Variants in RB1 observed in about 807,000 individuals in gnomAD.
RB1 encodes the protein RB transcriptional corepressor 1, also known as retinoblastoma-associated protein.
In RB1, 18 loss-of-function variants were observed where a neutral mutation model predicts 135.4. That is an observed-to-expected ratio of 0.13 (90% CI 0.09 to 0.20). RB1 has a LOEUF of 0.20. Among genes scored for constraint, RB1 ranks in the 10% least tolerant of loss-of-function variants. The probability of loss-of-function intolerance (pLI) is 1.00; values close to 1 mark genes in which losing one functional copy is unlikely to be tolerated. For synonymous variants in RB1, 365 were observed against 373.2 expected, an observed-to-expected ratio of 0.98 and a Z score of 0.25; for missense variants, 868 against 1,110.0, an observed-to-expected ratio of 0.78 and a Z score of 3.10.
At chr13:48,320,526 A>C in intron 2 of RB1, 1 of 552,748 alleles carries the variant, frequency 1.8e-6, no homozygotes, top group Non-Finnish European at 3.2e-6. Context: ...TTTCTCTGCC[A>C]GCTTCATATA....
intron 17 of RB1, among the ~76,000 whole-genome samples, chr13:48,383,019 A>G (rs1402765917): frequency 1.3e-5 from 2 of 152,074 alleles, no homozygotes; most frequent in African/African-American, 2.4e-5. Flanking sequence ...GTGTGGTATT[A>G]TTTCTGAGGG....
At chr13:48,378,877 G>T (rs938436215) in intron 13 of RB1, among the ~76,000 whole-genome samples, 8 of 152,042 alleles carry the variant, frequency 5.3e-5, no homozygotes, top group Non-Finnish European at 7.4e-5. Flanking sequence ...GACCAAAAAC[G>T]TTGTTATGCG....
intron 7 of RB1, 199 bp downstream of exon 7, chr13:48,360,326 G>A: frequency 8.2e-7 from 1 of 1,219,178 alleles, no homozygotes; most frequent in East Asian, 2.9e-5. Context: ...GGTAGAAAGT[G>A]GTTTGGGTCA....
Position 48,316,921 on chromosome 13 carries a change from C to T in RB1, c.264+9515C>T, listed in dbSNP as rs187951549. 1.4e-4 allele frequency: 52 copies of T among 365,558 alleles called. No individual in the cohort carries two copies. The East Asian group carries it at 3.2e-3, about 23-fold the overall frequency. The allele number at this position is 365,558 out of a possible 1,614,324, so 22.6% of individuals were successfully genotyped here. A position where few individuals can be genotyped will look rare whatever the true frequency, so the allele number is the denominator to read the frequency against. ...CGCGGAGTGTCGCTGAAGTCACTGG[C>T]GTCACTAACCAAGGCGTGCCCGCCC... On this transcript the variant is annotated intron_variant, in intron 2 of 26. Coordinates refer to ENST00000267163, the MANE Select transcript of RB1 (RefSeq NM_000321.3).
chr13:48,477,438 A>C, intron 26 of RB1, 34 bp downstream of exon 26: 1 of 1,532,474 alleles, frequency 6.5e-7, no homozygotes, highest in Non-Finnish European at 9.0e-7. Flanking sequence ...TAAATGAAAT[A>C]AACAATTGTT....
intron 2 of RB1, chr13:48,316,739 A>T (rs1185681242): frequency 5.1e-5 from 5 of 98,606 alleles, no homozygotes; most frequent in Non-Finnish European, 7.7e-5. Flanking sequence ...ACACACACAC[A>T]CACACACACA....
intron 2 of RB1, among the ~76,000 whole-genome samples, chr13:48,340,569 A>C (rs1593433098): frequency 9.4e-6 from 1 of 106,580 alleles, no homozygotes; most frequent in East Asian, 2.5e-4. Context: ...TCATTTTTTA[A>C]TCTTTAAAAG....
chr13:48,473,675 T>G (rs969496640), intron 24 of RB1, among the ~76,000 whole-genome samples: 1 of 152,110 alleles, frequency 6.6e-6, no homozygotes, highest in Admixed American at 6.6e-5. Context: ...ACGTGAGCTG[T>G]TTTTGCTCAC....
chr13:48,320,390 CG>C, intron 2 of RB1: 1 of 1,182,704 alleles, frequency 8.5e-7, no homozygotes. Flanking sequence ...GAGAAGCACC[CG>C]GGGAACCTAA....
At chr13:48,345,782 T>C (rs1952488363) in intron 4 of RB1, among the ~76,000 whole-genome samples, 1 of 152,180 alleles carries the variant, frequency 6.6e-6, no homozygotes, top group Non-Finnish European at 1.5e-5. Context: ...TGAGGCTCAT[T>C]TCATTTGCGG....
rs534915950 is a variant in RB1 at position 48,448,453 on chromosome 13, A to T, written c.1696-4540A>T. ...ATGCTCACCATCTCCACCTTTAAGA[A>T]TTATTTCTGTAGTGAGTCACTATTA... On this transcript the variant is annotated intron_variant, in intron 17 of 26. Coordinates refer to ENST00000267163, the MANE Select transcript of RB1 (RefSeq NM_000321.3). 8.5e-5 allele frequency among the ~76,000 whole-genome samples: 13 copies of T among 152,290 alleles called. No homozygotes were observed. In the South Asian group the frequency reaches 2.7e-3, roughly 32 times the overall value.
chr13:48,314,790 A>AG (rs1366849928), intron 2 of RB1, among the ~76,000 whole-genome samples: 4 of 151,674 alleles, frequency 2.6e-5, no homozygotes, highest in Non-Finnish European at 5.9e-5. Flanking sequence ...AAAAAAAAAA[A>AG]GAAAAAGCAG....
chr13:48,408,141 A>G (rs1450760801), intron 17 of RB1, among the ~76,000 whole-genome samples: 4 of 152,128 alleles, frequency 2.6e-5, no homozygotes, highest in Non-Finnish European at 5.9e-5. Context: ...TTCTTTAAAT[A>G]CCAATATCTA....
intron 17 of RB1, among the ~76,000 whole-genome samples, chr13:48,447,467 A>C (rs906455593): frequency 1.3e-5 from 2 of 152,196 alleles, no homozygotes; most frequent in African/African-American, 4.8e-5. Flanking sequence ...GTTTGAGGAA[A>C]TAGAGTGTTC....
At chr13:48,388,321 G>A (rs1335971548) in intron 17 of RB1, among the ~76,000 whole-genome samples, 2 of 152,108 alleles carry the variant, frequency 1.3e-5, no homozygotes, top group African/African-American at 4.8e-5. Context: ...GTTTGCTTGG[G>A]AAGATGAATT....
At chr13:48,341,991 A>G (rs1227124829) in intron 2 of RB1, among the ~76,000 whole-genome samples, 1 of 152,018 alleles carries the variant, frequency 6.6e-6, no homozygotes, top group Non-Finnish European at 1.5e-5. Context: ...TCTAGTGATA[A>G]TGATAGCCAT....
chr13:48,411,447 A>G lies in RB1; in HGVS notation c.1695+30004A>G, dbSNP rs756763885. The G allele has an allele frequency of 3.7e-6, 6 of 1,613,470 alleles. No homozygotes were observed. The South Asian group carries it at 6.6e-5, about 18-fold the overall frequency. On this transcript the variant is annotated intron_variant, in intron 17 of 26. Coordinates refer to ENST00000267163, the MANE Select transcript of RB1 (RefSeq NM_000321.3). The stretch of plus-strand genomic sequence containing the variant: ...TTTTAAGGTCTGTAGGTTATGCTGA[A>G]TAAAATTCTCTGCACCATGAACTTC...
intron 2 of RB1, among the ~76,000 whole-genome samples, chr13:48,310,425 G>C (rs896673288): frequency 6.6e-6 from 1 of 152,096 alleles, no homozygotes; most frequent in African/African-American, 2.4e-5. Context: ...TACCATGTCC[G>C]AACTCCATTA....
chr13:48,410,711 A>C (rs1000954526), intron 17 of RB1, among the ~76,000 whole-genome samples: 1 of 152,128 alleles, frequency 6.6e-6, no homozygotes, highest in South Asian at 2.1e-4. Flanking sequence ...AATTGGGTGC[A>C]TTATATACAG....
Sources: allele counts gnomAD v4.1 joint callset (sites outside exome capture counted in the v4.1 genomes callset), GRCh38; gene constraint gnomAD v4.1.1; transcripts MANE v1.5; gene names NCBI Gene and HGNC (gene_info 2026-07-23, HGNC 2026-07-21).